SNTG1: variants seen among roughly 807,000 people sequenced by gnomAD.
SNTG1 encodes the protein syntrophin gamma 1, also known as gamma-1-syntrophin.
SNTG1 carries 39 observed loss-of-function variants against 74.7 expected under a neutral mutation model. That is an observed-to-expected ratio of 0.52 (90% CI 0.40 to 0.68). The LOEUF (loss-of-function observed/expected upper bound fraction) is 0.68. SNTG1 is among the 30% of genes least tolerant of loss of function. The probability of loss-of-function intolerance (pLI) is 0.00; values close to 1 mark genes in which losing one functional copy is unlikely to be tolerated. For synonymous variants in SNTG1, 254 were observed against 217.1 expected (o/e 1.17, Z -1.49); for missense variants, 685 against 609.5 (o/e 1.12, Z -1.30).
intron 2 of SNTG1, among the ~76,000 whole-genome samples, chr8:50,382,790 T>TAC (rs1473366419): frequency 6.6e-6 from 1 of 152,208 alleles, no homozygotes; most frequent in Admixed American, 6.6e-5. Flanking sequence ...TATGTATGTG[T>TAC]ACACATATTT....
intron 1 of SNTG1, among the ~76,000 whole-genome samples, chr8:50,043,000 G>T (rs1442525283): frequency 2.0e-5 from 3 of 152,252 alleles, no homozygotes; most frequent in African/African-American, 4.8e-5. Context: ...TAAAAGTTAT[G>T]ATTTTTTAAA....
intron 1 of SNTG1, among the ~76,000 whole-genome samples, chr8:50,068,515 T>C (rs1821086147): frequency 6.6e-6 from 1 of 152,142 alleles, no homozygotes; most frequent in African/African-American, 2.4e-5. Context: ...GAGGTAAAGC[T>C]GGGGCCACAC....
intron 14 of SNTG1, among the ~76,000 whole-genome samples, chr8:50,658,149 T>A (rs10103285): frequency 0.21 from 31,949 of 152,046 alleles, 3,719 homozygotes; most frequent in African/African-American, 0.3. Flanking sequence ...ATGCTTTGGG[T>A]ATGTTTGCAA....
intron 2 of SNTG1, among the ~76,000 whole-genome samples, chr8:50,237,750 C>G (rs957513067): frequency 1.3e-5 from 2 of 152,076 alleles, no homozygotes; most frequent in Non-Finnish European, 2.9e-5. Context: ...ATAAGAACTT[C>G]TTCATATTGT....
At chr8:50,150,333 C>T (rs1374184114) in intron 1 of SNTG1, among the ~76,000 whole-genome samples, 2 of 152,196 alleles carry the variant, frequency 1.3e-5, no homozygotes, top group Non-Finnish European at 2.9e-5. Flanking sequence ...ATCATGTCAT[C>T]TGCAAACAGG....
chr8:50,061,226 A>G (rs1303162565), intron 1 of SNTG1, among the ~76,000 whole-genome samples: 2 of 152,156 alleles, frequency 1.3e-5, no homozygotes, highest in South Asian at 2.1e-4. Flanking sequence ...AATCTATTTA[A>G]TGATTATAGA....
chr8:50,545,925 G>T (rs1478545189), intron 11 of SNTG1, among the ~76,000 whole-genome samples: 2 of 152,080 alleles, frequency 1.3e-5, no homozygotes, highest in African/African-American at 2.4e-5. Context: ...AGCGAAATAT[G>T]AATCTGACTT....
intron 2 of SNTG1, among the ~76,000 whole-genome samples, chr8:50,226,578 A>C (rs1251898486): frequency 6.6e-6 from 1 of 152,148 alleles, no homozygotes; most frequent in Non-Finnish European, 1.5e-5. Context: ...TAACCTGAAC[A>C]TTTCCTTTCT....
chr8:50,284,567 T>G (rs2088656989), intron 2 of SNTG1, among the ~76,000 whole-genome samples: 1 of 152,104 alleles, frequency 6.6e-6, no homozygotes, highest in Non-Finnish European at 1.5e-5. Flanking sequence ...CTTCCTTACT[T>G]CCTGGAACCA....
At chr8:49,957,085 C>T (rs1407819261) in intron 1 of SNTG1, among the ~76,000 whole-genome samples, 1 of 152,168 alleles carries the variant, frequency 6.6e-6, no homozygotes, top group Non-Finnish European at 1.5e-5. Flanking sequence ...TTTAAGACAG[C>T]ATGCTAAAAA....
At chr8:50,610,254 T>C (rs1484342024) in intron 13 of SNTG1, among the ~76,000 whole-genome samples, 1 of 152,186 alleles carries the variant, frequency 6.6e-6, no homozygotes, top group East Asian at 1.9e-4. Flanking sequence ...TCTATTTTAA[T>C]GGCTAGCCAA....
chr8:50,351,306 G>A (rs2044777), intron 2 of SNTG1, among the ~76,000 whole-genome samples: 23,841 of 152,114 alleles, frequency 0.16, 2,309 homozygotes, highest in Middle Eastern at 0.26. Context: ...GTACTTTGAT[G>A]GAACACTTCT....
intron 17 of SNTG1, among the ~76,000 whole-genome samples, chr8:50,714,058 C>CAAAAAAAAAA (rs34349683): frequency 9.5e-6 from 1 of 104,940 alleles, no homozygotes; most frequent in Non-Finnish European, 1.9e-5. Context: ...GACTCCATTT[C>CAAAAAAAAAA]AAAAAAAAAA....
intron 2 of SNTG1, among the ~76,000 whole-genome samples, chr8:50,338,646 T>C (rs2091227151): frequency 6.6e-6 from 1 of 152,032 alleles, no homozygotes; most frequent in South Asian, 2.1e-4. Flanking sequence ...AAAGTTACAG[T>C]CTTTCATGAA....
In SNTG1 at chr8:50,439,704, T is replaced by G. The variant is rs920835770; in HGVS notation, c.219+1105T>G. 2.0e-5 allele frequency among the ~76,000 whole-genome samples: 3 copies of G among 151,222 alleles called. No individual in the cohort carries two copies. In the South Asian group the frequency reaches 6.2e-4, roughly 31 times the overall value. On this transcript the variant is annotated intron_variant, in intron 5 of 18. Transcript: ENST00000642720. The stretch of plus-strand genomic sequence containing the variant: ...TTTAATCACTCAATAAATGAGATTT[T>G]TTTTTGTTTTGCTTTTTTTTTTTTT...
chr8:50,379,716 A>G (rs925137044), intron 2 of SNTG1, among the ~76,000 whole-genome samples: 4 of 152,262 alleles, frequency 2.6e-5, no homozygotes, highest in Non-Finnish European at 4.4e-5. Context: ...CCCAAGGACT[A>G]CAGAAACTCT....
At chr8:50,248,015 CCT>C (rs1446094098) in intron 2 of SNTG1, among the ~76,000 whole-genome samples, 1 of 152,074 alleles carries the variant, frequency 6.6e-6, no homozygotes, top group African/African-American at 2.4e-5. Context: ...TCGTCTTCTC[CCT>C]GTGTCTCTTC....
At chr8:50,144,074 C>T (rs1201301451) in intron 1 of SNTG1, among the ~76,000 whole-genome samples, 2 of 152,144 alleles carry the variant, frequency 1.3e-5, no homozygotes, top group Non-Finnish European at 2.9e-5. Flanking sequence ...GATGCAGTCA[C>T]ACACATTCAC....
intron 2 of SNTG1, among the ~76,000 whole-genome samples, chr8:50,371,908 C>G (rs549158187): frequency 1.3e-5 from 2 of 152,182 alleles, no homozygotes; most frequent in African/African-American, 2.4e-5. Context: ...TTTTTACTGT[C>G]AGGCTTATAT....
Sources: gnomAD v4.1 joint callset for allele counts (sites outside exome capture counted in the v4.1 genomes callset) on GRCh38, gnomAD v4.1.1 for gene constraint, MANE v1.5 for transcripts, NCBI Gene and HGNC (gene_info 2026-07-23, HGNC 2026-07-21) for gene names.